ECPAS: variants seen among roughly 807,000 people sequenced by gnomAD.
The protein encoded by ECPAS is Ecm29 proteasome adaptor and scaffold.
Under a neutral mutation model 255.1 loss-of-function variants are expected in ECPAS, and 70 were observed. The observed-to-expected ratio is 0.27, with a 90% CI of 0.23 to 0.33. The LOEUF is 0.33. Ranked by LOEUF, ECPAS falls within the 10% of genes least tolerant of loss-of-function variation. The pLI is 1.00. For missense variants in ECPAS, 1,817 were observed against 2,206.4 expected (o/e 0.82, Z 3.54); for synonymous variants, 784 against 775.0 (o/e 1.01, Z -0.19).
intron 28 of ECPAS, among the ~76,000 whole-genome samples, chr9:111,392,471 T>G (rs1387995596): frequency 6.6e-6 from 1 of 152,178 alleles, no homozygotes; most frequent in Non-Finnish European, 1.5e-5. Context: ...TATGCAAGCT[T>G]CTTCTCCGTA....
chr9:111,380,595 G>A (rs145445530), intron 35 of ECPAS, among the ~76,000 whole-genome samples: 6 of 152,296 alleles, frequency 3.9e-5, no homozygotes, highest in Admixed American at 1.3e-4. Flanking sequence ...CCTTTGAAGC[G>A]TTGCAGCCGG....
chr9:111,436,361 G>A (rs2098238212), intron 7 of ECPAS, among the ~76,000 whole-genome samples: 1 of 152,188 alleles, frequency 6.6e-6, no homozygotes, highest in Non-Finnish European at 1.5e-5. Flanking sequence ...TCTCTGTAGA[G>A]CACCAGTCAT....
chr9:111,453,319 A>C (rs1354948126), intron 2 of ECPAS, among the ~76,000 whole-genome samples: 1 of 152,206 alleles, frequency 6.6e-6, no homozygotes, highest in Non-Finnish European at 1.5e-5. Flanking sequence ...TCATTGCCCA[A>C]GCAATGACGA....
At chr9:111,363,278 C>T (rs1362579149) in intron 49 of ECPAS, among the ~76,000 whole-genome samples, 2 of 152,182 alleles carry the variant, frequency 1.3e-5, no homozygotes, top group Non-Finnish European at 2.9e-5. Flanking sequence ...TACATGTACA[C>T]ATGCCACTGT....
chr9:111,383,076 A>G, intron 35 of ECPAS, 135 bp downstream of exon 35: 1 of 1,039,330 alleles, frequency 9.6e-7, no homozygotes, highest in African/African-American at 1.6e-5. Flanking sequence ...TGTGACTCAC[A>G]AGTTTTCACA....
At position 111,389,943 on chromosome 9, in the gene ECPAS, G is replaced by C. The variant is rs949529342; in HGVS notation, c.3279+41C>G. 19 of 1,376,608 alleles carry C rather than the reference G, an allele frequency of 1.4e-5. No homozygotes were observed. In the African/African-American group the frequency reaches 2.1e-4, roughly 16 times the overall value. 85.3% of individuals were successfully genotyped at this position (1,376,608 alleles called of 1,614,324 possible). On this transcript the variant is annotated intron_variant, in intron 30 of 49. Coordinates refer to ENST00000684092, the MANE Select transcript of ECPAS (RefSeq NM_001364929.1). ...TCTGCCAATGTAGCATGTTTGGTTTGCATGAAAAAAATAAATAATTGTCCA... is the reference window on the plus strand; with the variant it reads ...TCTGCCAATGTAGCATGTTTGGTTTCCATGAAAAAAATAAATAATTGTCCA...
rs555420903 is a variant in ECPAS at position 111,370,268 on chromosome 9, G to A, written c.4974+167C>T. Among the ~76,000 whole-genome samples, 47 of 152,316 alleles carry A rather than the reference G, an allele frequency of 3.1e-4. No individual in the cohort carries two copies. In the South Asian group the frequency reaches 3.3e-3, roughly 11 times the overall value. On this transcript the variant is annotated intron_variant, in intron 45 of 49. Coordinates refer to ENST00000684092, the MANE Select transcript of ECPAS (RefSeq NM_001364929.1). The stretch of plus-strand genomic sequence containing the variant: ...CTGAACACTTTGTGATGCTCCCAAC[G>A]CTTTGTGAGAAACATAGCATTGACT...
At chr9:111,399,538 G>A (rs2098172525) in intron 24 of ECPAS, among the ~76,000 whole-genome samples, 1 of 152,228 alleles carries the variant, frequency 6.6e-6, no homozygotes, top group African/African-American at 2.4e-5. Context: ...GGAGCACTTA[G>A]ACCAAATCTG....
chr9:111,468,540 G>C (rs954709419), intron 2 of ECPAS, among the ~76,000 whole-genome samples: 4 of 151,886 alleles, frequency 2.6e-5, no homozygotes, highest in African/African-American at 9.7e-5. Context: ...GAAGAGGAAG[G>C]GGTGAACCAG....
intron 2 of ECPAS, among the ~76,000 whole-genome samples, chr9:111,454,310 T>C (rs1448153286): frequency 5.0e-5 from 1 of 20,068 alleles, no homozygotes; most frequent in Non-Finnish European, 9.0e-5. Flanking sequence ...TGGGGGGAGA[T>C]GGGGGGGTGG....
Position 111,370,518 on chromosome 9 carries a change from T to G in ECPAS, c.4891A>C (p.Ser1631Arg). ...ENVKYKIVAI[S>R]CAADILKATK... ...GCCTTCAAGATATCAGCTGCACAGC[T>G]GATTGCTACAATCTTGTATTTGACA... Residue 1631 changes from serine to arginine, a missense_variant, in exon 45 of 50, where the codon AGC (serine) becomes CGC (arginine). Around this residue, in one of 4 missense-constraint regions of ECPAS, gnomAD observed 960 missense variants for 1,179.0 expected, o/e 0.81. Transcript: ENST00000684092. 6.2e-7 allele frequency: 1 copy of G among 1,611,628 alleles called. No individual in the cohort carries two copies.
chr9:111,483,838 G>GCGGCGGCT, intron 1 of ECPAS: 1 of 282,672 alleles, frequency 3.5e-6, no homozygotes, highest in Non-Finnish European at 5.3e-6. Context: ...CCAGGCCCGC[G>GCGGCGGCT]CGGCGGCTCT....
At chr9:111,478,719 T>C (rs1258267145) in intron 1 of ECPAS, among the ~76,000 whole-genome samples, 1 of 152,214 alleles carries the variant, frequency 6.6e-6, no homozygotes, top group Non-Finnish European at 1.5e-5. Context: ...AATGCAGTTT[T>C]ACCAGCTACA....
rs552444631 is a variant in ECPAS, at chr9:111,412,174, T to C, written c.2080-26A>G. The C allele has an allele frequency of 4.6e-6, 7 of 1,531,012 alleles. No homozygotes were observed. In the South Asian group the frequency reaches 6.4e-5, roughly 14 times the overall value. The allele number at this position is 1,531,012 out of a possible 1,614,324, so 94.8% of individuals were successfully genotyped here. A position where few individuals can be genotyped will look rare whatever the true frequency, so the allele number is the denominator to read the frequency against. ...CTGAGCAGTATAAAAAAAAAACAAA[T>C]ATATACATGACACAGAACCACGTGC... is the stretch of plus-strand genomic sequence containing the variant. On this transcript the variant is annotated intron_variant, in intron 20 of 49. Coordinates refer to ENST00000684092, the MANE Select transcript of ECPAS (RefSeq NM_001364929.1).
At position 111,378,596 on chromosome 9, in the gene ECPAS, G is replaced by A. The variant is rs759133299; in HGVS notation, c.3938C>T (p.Ala1313Val). ...TCCACTCACCTTTTCTTGCTCTGTC[G>A]CCCGGAGGCTCAAATAATTGAGAAC... ...PQVLNYLSLR[A>V]TEQEKAAMDS... is the part of the protein sequence containing the mutation. Residue 1313 changes from alanine (A) to valine (V), a missense_variant, in exon 36 of 50, where the codon GCG becomes GTG. Ala to Val is a moderately conservative substitution (Grantham distance 64). Transcript: ENST00000684092. The A allele has an allele frequency of 3.0e-5, 48 of 1,612,864 alleles. 1 individual carries two copies. The East Asian group carries it at 4.7e-4, about 16-fold the overall frequency.
intron 35 of ECPAS, among the ~76,000 whole-genome samples, chr9:111,378,956 A>C (rs1207925882): frequency 6.6e-6 from 1 of 152,242 alleles, no homozygotes; most frequent in Non-Finnish European, 1.5e-5. Context: ...TACCTTCATT[A>C]ATAGTAGGAA....
intron 10 of ECPAS, 92 bp downstream of exon 10, chr9:111,427,950 C>G: frequency 9.2e-7 from 1 of 1,081,144 alleles, no homozygotes; most frequent in South Asian, 1.9e-5. Context: ...CATCAACCTA[C>G]CCACTGAATA....
intron 7 of ECPAS, among the ~76,000 whole-genome samples, chr9:111,435,267 C>T (rs1460734730): frequency 6.6e-6 from 1 of 152,046 alleles, no homozygotes; most frequent in Non-Finnish European, 1.5e-5. Context: ...TTGGAAAAAA[C>T]ATGTTTTCCT....
chr9:111,470,746 C>CGCCACACACACA, intron 2 of ECPAS, among the ~76,000 whole-genome samples: 1 of 124,584 alleles, frequency 8.0e-6, no homozygotes, highest in South Asian at 2.8e-4. Flanking sequence ...TCTCCTCCCG[C>CGCCACACACACA]CACACACACA....
Sources: gnomAD v4.1 joint callset for allele counts (sites outside exome capture counted in the v4.1 genomes callset) on GRCh38, gnomAD v4.1.1 for gene constraint, gnomAD v4.1.1 regional missense constraint, MANE v1.5 for transcripts, NCBI Gene and HGNC (gene_info 2026-07-23, HGNC 2026-07-21) for gene names.